Variants in KNTC1 observed in about 807,000 individuals in gnomAD.
KNTC1 encodes kinetochore-associated protein 1.
In KNTC1, 253 loss-of-function variants were observed where a neutral mutation model predicts 314.4. The ratio of observed to expected loss-of-function variants is 0.80; its 90% CI spans 0.73 to 0.89. The LOEUF is 0.89. KNTC1 is among the 40% of genes least tolerant of loss of function. The pLI is 0.00. For missense variants in KNTC1, 2,475 were observed against 2,572.9 expected (o/e 0.96, Z 0.82); for synonymous variants, 901 against 901.4 (o/e 1.00, Z 0.01).
intron 16 of KNTC1, among the ~76,000 whole-genome samples, chr12:122,556,940 T>TTTTTTTTA (rs71085823): frequency 7.1e-6 from 1 of 141,302 alleles, no homozygotes; most frequent in African/African-American, 2.6e-5. Flanking sequence ...TTTTTTTTTT[T>TTTTTTTTA]AAATAGGGTC....
intron 18 of KNTC1, among the ~76,000 whole-genome samples, chr12:122,559,921 C>A (rs1046331368): frequency 6.6e-6 from 1 of 152,138 alleles, no homozygotes; most frequent in Non-Finnish European, 1.5e-5. Context: ...CATTCATAAT[C>A]ACATTCGGCC....
intron 35 of KNTC1, 83 bp downstream of exon 35, chr12:122,584,533 G>A (rs1868955240): frequency 2.0e-6 from 2 of 976,894 alleles, no homozygotes; most frequent in Non-Finnish European, 3.0e-6. Flanking sequence ...CTTTACAATT[G>A]GACATCACGG....
chr12:122,601,544 T>G lies in KNTC1; in HGVS notation c.4572T>G (p.Pro1524=). Residue 1524 remains proline (P), a synonymous_variant, in exon 45 of 64, where the codon CCT becomes CCG. Transcript: ENST00000333479. The part of the protein sequence containing the change: ...SLSGILHKLD[P]YDYEMIEVVL... Reference sequence around the variant, plus strand: ...TTTTTGTTTTTATACAGTTGGATCCTTATGACTATGAAATGATTGAAGTTG... The same window carrying G: ...TTTTTGTTTTTATACAGTTGGATCCGTATGACTATGAAATGATTGAAGTTG... 6.5e-7 allele frequency: 1 copy of G among 1,532,094 alleles called. No individual in the cohort carries two copies. The allele number at this position is 1,532,094 out of a possible 1,614,324, so 94.9% of individuals were successfully genotyped here. A position where few individuals can be genotyped will look rare whatever the true frequency, so the allele number is the denominator to read the frequency against.
intron 18 of KNTC1, among the ~76,000 whole-genome samples, chr12:122,561,317 A>G (rs1256716505): frequency 2.0e-5 from 3 of 151,748 alleles, no homozygotes; most frequent in African/African-American, 7.3e-5. Context: ...CCTATCTCAA[A>G]AAAAAAAATA....
chr12:122,575,737 C>T, intron 28 of KNTC1, 63 bp from the exon 29 acceptor site: 1 of 1,495,314 alleles, frequency 6.7e-7, no homozygotes, highest in Non-Finnish European at 9.3e-7. Context: ...ATATTGTTTG[C>T]TGTGTCCCAT....
chr12:122,554,482 G>A (rs183370793), intron 16 of KNTC1, among the ~76,000 whole-genome samples: 123 of 152,224 alleles, frequency 8.1e-4, no homozygotes, highest in African/African-American at 2.7e-3. Context: ...CTTCTGGTTG[G>A]GAGGAAGAGG....
At chr12:122,591,152 CATT>C (rs1208335098) in intron 41 of KNTC1, among the ~76,000 whole-genome samples, 182 bp from the exon 42 acceptor site, 1 of 152,010 alleles carries the variant, frequency 6.6e-6, no homozygotes, top group Non-Finnish European at 1.5e-5. Flanking sequence ...AAATGTATAG[CATT>C]ATACGAAAAC....
Position 122,551,618 on chromosome 12 carries a change from C to A in KNTC1, c.1197-3C>A. ...TAACAAAATTTCTCTTCCAACTTAACAGATTGAGTCGGTTACTTCACAAAC... is the reference window on the plus strand; with the variant it reads ...TAACAAAATTTCTCTTCCAACTTAAAAGATTGAGTCGGTTACTTCACAAAC... On this transcript the variant is annotated splice_region_variant and splice_polypyrimidine_tract_variant and intron_variant, in intron 15 of 63. Transcript: ENST00000333479. 2 of 1,613,180 alleles carry A rather than the reference C, an allele frequency of 1.2e-6. No homozygotes were observed. Among genetic ancestry groups the A allele is most frequent in the Non-Finnish European group, 1.7e-6 (2 of 1,179,334 alleles).
chr12:122,615,258 A>T (rs1467982292), intron 56 of KNTC1, among the ~76,000 whole-genome samples, 172 bp downstream of exon 56: 3 of 152,212 alleles, frequency 2.0e-5, no homozygotes, highest in Admixed American at 1.3e-4. Context: ...GAGAGTGCAA[A>T]ATCCAAAATG....
chr12:122,544,073 A>C (rs1962574439), intron 7 of KNTC1, 86 bp from the exon 8 acceptor site: 2 of 579,430 alleles, frequency 3.5e-6, no homozygotes, highest in Non-Finnish European at 5.8e-6. Context: ...AAAAATTTAT[A>C]ACTGATTGAT....
chr12:122,575,946 C>A, intron 29 of KNTC1, 47 bp downstream of exon 29: 1 of 1,541,728 alleles, frequency 6.5e-7, no homozygotes. Context: ...ATTTCTGGGG[C>A]AATATGGAAA....
At chr12:122,625,273 C>T (rs1487855519) in intron 63 of KNTC1, among the ~76,000 whole-genome samples, 1 of 152,054 alleles carries the variant, frequency 6.6e-6, no homozygotes, top group Non-Finnish European at 1.5e-5. Flanking sequence ...CGTGGTGGCA[C>T]ACGCCTGTAA....
intron 24 of KNTC1, among the ~76,000 whole-genome samples, chr12:122,572,480 T>C (rs1159804777): frequency 6.6e-6 from 1 of 152,230 alleles, no homozygotes; most frequent in African/African-American, 2.4e-5. Flanking sequence ...CAAGTCACCT[T>C]TTCTATATAA....
chr12:122,592,545 C>T (rs964255783), intron 42 of KNTC1, among the ~76,000 whole-genome samples: 3 of 152,206 alleles, frequency 2.0e-5, no homozygotes, highest in Non-Finnish European at 4.4e-5. Context: ...GTAAATACAC[C>T]AATCAGCACC....
At chr12:122,608,327 G>A (rs1361078604) in intron 51 of KNTC1, among the ~76,000 whole-genome samples, 3 of 151,978 alleles carry the variant, frequency 2.0e-5, no homozygotes, top group Admixed American at 6.6e-5. Context: ...ATGGGTTTTC[G>A]CCATGTTGCC....
At chr12:122,541,291 T>TGCCTGCCTGCCTGCCTG (rs745323270) in intron 5 of KNTC1, among the ~76,000 whole-genome samples, 1 of 59,414 alleles carries the variant, frequency 1.7e-5, no homozygotes, top group African/African-American at 4.9e-5. Context: ...CTGCCTGCCT[T>TGCCTGCCTGCCTGCCTG]CCTTCCTTCC....
At position 122,602,597 on chromosome 12, in the gene KNTC1, C is replaced by G; in HGVS notation, c.4682C>G (p.Ser1561Ter). The change falls in exon 46 of 64, where the codon TCA (serine) becomes TGA (stop). Residue 1561 changes from serine to a stop codon, truncating the protein, a stop_gained. Coordinates refer to ENST00000333479, the MANE Select transcript of KNTC1 (RefSeq NM_014708.6). LOFTEE classifies it high-confidence loss of function. ...QALSILKHLK[S>*]YRRISPPVDL... ...TTGAGTATTCTGAAACATTTGAAGT[C>G]ATACAGAAGAATTTCTCCTCCCGTG... The G allele has an allele frequency of 6.2e-7, 1 of 1,610,602 alleles. No homozygotes were observed. Among genetic ancestry groups the G allele is most frequent in the Non-Finnish European group, 8.5e-7 (1 of 1,177,450 alleles).
chr12:122,539,801 T>A (rs1310862081), intron 5 of KNTC1, 47 bp downstream of exon 5: 12 of 1,145,796 alleles, frequency 1.0e-5, no homozygotes, highest in South Asian at 1.5e-5. Flanking sequence ...TTTTTTTTTT[T>A]AATGGAGTCT....
At chr12:122,531,517 C>T (rs946786222) in intron 2 of KNTC1, among the ~76,000 whole-genome samples, 4 of 151,952 alleles carry the variant, frequency 2.6e-5, no homozygotes, top group African/African-American at 4.8e-5. Context: ...TTAAATGTAC[C>T]ATGAATCATG....
Sources: gnomAD v4.1 joint callset for allele counts (sites outside exome capture counted in the v4.1 genomes callset) on GRCh38, gnomAD v4.1.1 for gene constraint, MANE v1.5 for transcripts, NCBI Gene and HGNC (gene_info 2026-07-23, HGNC 2026-07-21) for gene names.